Variants in CC2D2A observed in about 807,000 individuals in gnomAD.
CC2D2A encodes the protein coiled-coil and C2 domain containing 2A, also known as coiled-coil and C2 domain-containing protein 2A.
CC2D2A carries 155 observed loss-of-function variants against 212.9 expected under a neutral mutation model. The observed-to-expected ratio is 0.73, with a 90% CI of 0.64 to 0.83. The LOEUF is 0.83. CC2D2A is among the 40% of genes least tolerant of loss of function. The pLI is 0.00. For synonymous variants in CC2D2A, 667 were observed against 686.5 expected (o/e 0.97, Z 0.44); for missense variants, 1,856 against 1,956.2 (o/e 0.95, Z 0.97).
chr4:15,593,998 C>T (rs891793746), intron 33 of CC2D2A, among the ~76,000 whole-genome samples: 7 of 152,106 alleles, frequency 4.6e-5, no homozygotes, highest in Non-Finnish European at 8.8e-5. Context: ...TAATGGCCTA[C>T]GGGACCTCCA....
intron 3 of CC2D2A, chr4:15,479,321 T>A: frequency 6.5e-7 from 1 of 1,536,546 alleles, no homozygotes; most frequent in Non-Finnish European, 8.7e-7. Context: ...AGGGTAAATC[T>A]TTTCAAGGTA....
At chr4:15,565,470 C>T (rs1719840861) in intron 24 of CC2D2A, among the ~76,000 whole-genome samples, 1 of 149,486 alleles carries the variant, frequency 6.7e-6, no homozygotes, top group South Asian at 2.1e-4. Flanking sequence ...TAATACCTAT[C>T]TCACTTTATT....
At chr4:15,588,089 G>C (rs1720935434) in intron 32 of CC2D2A, among the ~76,000 whole-genome samples, 160 bp downstream of exon 32, 1 of 152,210 alleles carries the variant, frequency 6.6e-6, no homozygotes, top group African/African-American at 2.4e-5. Context: ...CCAGTGATAA[G>C]ACATGAAATG....
At chr4:15,494,353 A>C (rs1715486608) in intron 4 of CC2D2A, among the ~76,000 whole-genome samples, 1 of 152,226 alleles carries the variant, frequency 6.6e-6, no homozygotes, top group Admixed American at 6.5e-5. Flanking sequence ...TTCAGCTAAC[A>C]TAAAATGAAA....
chr4:15,504,465 C>T (rs1577331190), intron 6 of CC2D2A, among the ~76,000 whole-genome samples: 1 of 152,298 alleles, frequency 6.6e-6, no homozygotes, highest in African/African-American at 2.4e-5. Flanking sequence ...GGCTAAGCAT[C>T]TGGTCATGTT....
chr4:15,512,916 C>A (rs1053836384), intron 8 of CC2D2A, among the ~76,000 whole-genome samples: 5 of 150,134 alleles, frequency 3.3e-5, no homozygotes, highest in African/African-American at 1.2e-4. Context: ...TGCGCTATTG[C>A]ACTCCAGCCT....
chr4:15,561,809 G>A (rs1719616274), intron 23 of CC2D2A, among the ~76,000 whole-genome samples: 1 of 152,034 alleles, frequency 6.6e-6, no homozygotes, highest in African/African-American at 2.4e-5. Flanking sequence ...CTGTCTCTGA[G>A]GCCCCCTAGT....
Position 15,599,631 on chromosome 4 carries a change from G to A in CC2D2A, c.4599G>A (p.Leu1533=), listed in dbSNP as rs556117615. ...CTACTCTGCGTCACTTCTTGCCTCT[G>A]TTAGAAAAAAGTCAAGGAGAAGATG... The part of the protein sequence containing the change: ...CTSTLRHFLP[L]LEKSQGEDVE... The change falls in exon 36 of 37, where the codon CTG becomes CTA. Residue 1533 remains leucine (L), a synonymous_variant. Transcript: ENST00000424120. 20 of 1,613,508 alleles carry A rather than the reference G, an allele frequency of 1.2e-5. No individual in the cohort carries two copies. The highest frequency in any genetic ancestry group is 4.5e-5 in the East Asian group (2 of 44,876).
chr4:15,557,262 TCTGA>T lies in CC2D2A; in HGVS notation c.2626-38_2626-35del, dbSNP rs200647013. ...CAGTGCCAAGTTTCTTTGGATGAGA[TCTGA>T]CTGTCATCTGGAGTTTTGCATTTTC... On this transcript the variant is annotated intron_variant, in intron 20 of 36. Coordinates refer to ENST00000424120, the MANE Select transcript of CC2D2A (RefSeq NM_001378615.1). 1,412 of 1,437,348 alleles carry T rather than the reference TCTGA, an allele frequency of 9.8e-4. 21 individuals carry two copies. The East Asian group carries it at 0.028, about 28-fold the overall frequency. The allele number at this position is 1,437,348 out of a possible 1,614,324, so 89.0% of individuals were successfully genotyped here.
In CC2D2A at chr4:15,596,088, T is replaced by C; in HGVS notation, c.4318T>C (p.Trp1440Arg). 6.5e-7 allele frequency: 1 copy of C among 1,545,022 alleles called. No individual in the cohort carries two copies. The highest frequency in any genetic ancestry group is 2.5e-5 in the East Asian group (1 of 40,812). Residue 1440 changes from tryptophan to arginine, a missense_variant, in exon 34 of 37, where the codon TGG becomes CGG. Trp to Arg is a moderately radical substitution (Grantham distance 101). Coordinates refer to ENST00000424120, the MANE Select transcript of CC2D2A (RefSeq NM_001378615.1). The part of the protein sequence containing the change: ...VGCLIGPDNI[W>R]FNIQRYESPL... Reference sequence around the variant, plus strand: ...AATGTAGTCTTGTCTTTCTTAGATTTGGTTTAATATTCAACGATATGAATC... The same window carrying C: ...AATGTAGTCTTGTCTTTCTTAGATTCGGTTTAATATTCAACGATATGAATC...
intron 4 of CC2D2A, among the ~76,000 whole-genome samples, chr4:15,493,826 G>A (rs1202828125): frequency 6.6e-6 from 1 of 152,170 alleles, no homozygotes; most frequent in African/African-American, 2.4e-5. Flanking sequence ...TGATTGAAGG[G>A]TCAAGACAAG....
At chr4:15,528,539 C>G in intron 12 of CC2D2A, 81 bp from the exon 13 acceptor site, 1 of 1,126,618 alleles carries the variant, frequency 8.9e-7, no homozygotes, top group Non-Finnish European at 1.3e-6. Flanking sequence ...CCATTTTGCC[C>G]AGGAGAAGTG....
rs1718218659 is a variant in CC2D2A at position 15,537,879 on chromosome 4, T to C, written c.1765-20T>C. The C allele has an allele frequency of 6.4e-7, 1 of 1,572,904 alleles. No individual in the cohort carries two copies. The highest frequency in any genetic ancestry group is 8.6e-7 in the Non-Finnish European group (1 of 1,159,144). On this transcript the variant is annotated intron_variant, in intron 15 of 36. Transcript: ENST00000424120. ...ATTCCAAAATTCCTGTTTGATATCATGTTGCCTCTAACTCAACAGAGGGCC... is the reference window on the plus strand; with the variant it reads ...ATTCCAAAATTCCTGTTTGATATCACGTTGCCTCTAACTCAACAGAGGGCC...
intron 6 of CC2D2A, among the ~76,000 whole-genome samples, chr4:15,504,307 T>C (rs1278667915): frequency 1.3e-5 from 2 of 152,176 alleles, no homozygotes; most frequent in Non-Finnish European, 2.9e-5. Flanking sequence ...TCATGATCCA[T>C]TCCACTGAAA....
At chr4:15,550,085 T>C (rs1376392980) in intron 17 of CC2D2A, among the ~76,000 whole-genome samples, 2 of 152,108 alleles carry the variant, frequency 1.3e-5, no homozygotes, top group Non-Finnish European at 2.9e-5. Flanking sequence ...GCCACAAAAG[T>C]GAAGTGTGCC....
At chr4:15,590,382 G>T (rs1025887157) in intron 33 of CC2D2A, among the ~76,000 whole-genome samples, 6 of 152,276 alleles carry the variant, frequency 3.9e-5, no homozygotes, top group African/African-American at 1.2e-4. Flanking sequence ...GGGCATGATG[G>T]TGTGACTCTG....
chr4:15,583,883 G>A (rs563944343), intron 30 of CC2D2A, among the ~76,000 whole-genome samples: 3 of 151,662 alleles, frequency 2.0e-5, no homozygotes, highest in Non-Finnish European at 4.4e-5. Context: ...CCTGGGAGGT[G>A]GAGCTTGCAG....
intron 28 of CC2D2A, among the ~76,000 whole-genome samples, chr4:15,570,803 G>C (rs1720127305): frequency 1.3e-5 from 2 of 151,982 alleles, no homozygotes; most frequent in Admixed American, 6.6e-5. Flanking sequence ...CAGGAGAACT[G>C]CTTGAACCAG....
At position 15,536,959 on chromosome 4, in the gene CC2D2A, A is replaced by G. The variant is rs1204456102; in HGVS notation, c.1647A>G (p.Glu549=). ...AGAAAGCAGATGAAGAAGCATATGA[A>G]GCAGAAATTCAAGCTGAAATAAGTG... ...ADQKADEEAY[E]AEIQAEISEL... is the part of the protein sequence containing the mutation. The change falls in exon 15 of 37, where the codon GAA becomes GAG. Residue 549 remains glutamate (E), a synonymous_variant. Transcript: ENST00000424120. The G allele has an allele frequency of 1.1e-5, 18 of 1,613,964 alleles. No individual in the cohort carries two copies. The highest frequency in any genetic ancestry group is 1.5e-5 in the Non-Finnish European group (18 of 1,179,828).
Sources: allele counts gnomAD v4.1 joint callset (sites outside exome capture counted in the v4.1 genomes callset), GRCh38; gene constraint gnomAD v4.1.1; transcripts MANE v1.5; gene names NCBI Gene and HGNC (gene_info 2026-07-23, HGNC 2026-07-21).